Variants in DLG1 observed in about 807,000 individuals in gnomAD.
The protein encoded by DLG1 is discs large MAGUK scaffold protein 1.
DLG1 carries 42 observed loss-of-function variants against 123.4 expected under a neutral mutation model. That is an observed-to-expected ratio of 0.34 (90% CI 0.27 to 0.44). The LOEUF (loss-of-function observed/expected upper bound fraction) is 0.44. Ranked by LOEUF, DLG1 falls within the 20% of genes least tolerant of loss-of-function variation. DLG1 has a pLI of 1.00. For missense variants in DLG1, 942 were observed against 1,082.6 expected, an observed-to-expected ratio of 0.87 and a Z score of 1.82; for synonymous variants, 317 against 356.2, an observed-to-expected ratio of 0.89 and a Z score of 1.24.
At chr3:197,161,625 G>A in intron 5 of DLG1, 2 of 1,370,776 alleles carry the variant, frequency 1.5e-6, no homozygotes, top group South Asian at 1.6e-5. Flanking sequence ...AAAGAAAAAA[G>A]AAACTAATAA....
At chr3:197,221,436 C>T (rs934429702) in intron 4 of DLG1, among the ~76,000 whole-genome samples, 26 of 152,014 alleles carry the variant, frequency 1.7e-4, no homozygotes, top group African/African-American at 6.3e-4. Context: ...GGGAAAATCA[C>T]TTGAATCCGG....
At chr3:197,082,610 G>T (rs1751846682) in intron 16 of DLG1, among the ~76,000 whole-genome samples, 1 of 152,126 alleles carries the variant, frequency 6.6e-6, no homozygotes, top group Non-Finnish European at 1.5e-5. Context: ...TGAAAGCCAA[G>T]AATTGTAGGA....
At chr3:197,051,503 C>T in intron 24 of DLG1, 74 bp downstream of exon 24, 1 of 1,159,224 alleles carries the variant, frequency 8.6e-7, no homozygotes, top group Non-Finnish European at 1.3e-6. Context: ...TCAAAATCCA[C>T]CTGAACGGGT....
In DLG1 at chr3:197,295,042, G is replaced by A. The variant is rs113559016; in HGVS notation, c.151+1304C>T. ...AATGCTTTTTGCTGTTTTTCCAGAG[G>A]AATCCAATTTGATCATCCATTCGGA... On this transcript the variant is annotated intron_variant, in intron 3 of 24. Coordinates refer to ENST00000667157, the MANE Select transcript of DLG1 (RefSeq NM_001366207.1). 7.6e-3 allele frequency among the ~76,000 whole-genome samples: 1,161 copies of A among 152,194 alleles called. 11 individuals carry two copies. The highest frequency in any genetic ancestry group is 0.025 in the African/African-American group (1,049 of 41,514).
At chr3:197,291,157 T>C (rs1324921370) in intron 3 of DLG1, among the ~76,000 whole-genome samples, 3 of 152,156 alleles carry the variant, frequency 2.0e-5, no homozygotes, top group Admixed American at 1.3e-4. Context: ...AGAGCAGTAG[T>C]AAGCAAACTA....
intron 13 of DLG1, among the ~76,000 whole-genome samples, chr3:197,105,457 A>T (rs1765816526): frequency 6.6e-6 from 1 of 152,192 alleles, no homozygotes. Flanking sequence ...TTCCTGTACA[A>T]ACTAAAACTT....
At chr3:197,272,649 C>A (rs1475468814) in intron 4 of DLG1, among the ~76,000 whole-genome samples, 1 of 152,048 alleles carries the variant, frequency 6.6e-6, no homozygotes, top group Non-Finnish European at 1.5e-5. Flanking sequence ...GTATATCATA[C>A]AATGGAATAT....
chr3:197,140,359 G>A (rs1639327171), intron 7 of DLG1, 95 bp from the exon 8 acceptor site: 4 of 1,264,242 alleles, frequency 3.2e-6, no homozygotes, highest in Non-Finnish European at 4.4e-6. Flanking sequence ...ACTAACATAA[G>A]GAACACAACA....
chr3:197,145,128 G>A (rs756023957), intron 6 of DLG1, among the ~76,000 whole-genome samples: 4 of 152,060 alleles, frequency 2.6e-5, no homozygotes, highest in Non-Finnish European at 4.4e-5. Flanking sequence ...CAAGAGCTGT[G>A]TTGATCATGT....
Position 197,104,936 on chromosome 3 carries a change from C to T in DLG1, c.1513G>A (p.Ala505Thr), listed in dbSNP as rs767490280. 11 of 1,613,372 alleles carry T rather than the reference C, an allele frequency of 6.8e-6. No homozygotes were observed. In the South Asian group the frequency reaches 1.2e-4, roughly 18 times the overall value. Residue 505 changes from alanine (A) to threonine (T), a missense_variant, in exon 14 of 25, where the codon GCT becomes ACT. Ala to Thr is a moderately conservative substitution (Grantham distance 58). Transcript: ENST00000667157. ...CGATATTGTGCAACAATTGTGACAG[C>T]CTGGCCAGCATTTTTCAATGCAGCT... is the stretch of plus-strand genomic sequence containing the variant. ...AAAALKNAGQAVTIVAQYRPE... is the reference protein window; with the variant it reads ...AAAALKNAGQTVTIVAQYRPE...
At chr3:197,137,486 CTTCAATA>C (rs1277889175) in intron 9 of DLG1, among the ~76,000 whole-genome samples, 1 of 152,084 alleles carries the variant, frequency 6.6e-6, no homozygotes, top group Non-Finnish European at 1.5e-5. Context: ...TGCTAGAAGT[CTTCAATA>C]TAAGAATACT....
intron 6 of DLG1, 169 bp from the exon 7 acceptor site, chr3:197,142,937 T>C: frequency 1.7e-6 from 1 of 597,246 alleles, no homozygotes. Context: ...AATGGAAAAA[T>C]ACAAATGTGA....
intron 24 of DLG1, among the ~76,000 whole-genome samples, chr3:197,048,696 C>T (rs1272610152): frequency 6.6e-6 from 1 of 152,114 alleles, no homozygotes. Flanking sequence ...ACTCTTGTTG[C>T]CCAGGCTGGA....
In DLG1 at chr3:197,282,662, C is replaced by T; in HGVS notation, c.318+17G>A. 1 of 1,493,358 alleles carries T rather than the reference C, an allele frequency of 6.7e-7. No individual in the cohort carries two copies. Among genetic ancestry groups the T allele is most frequent in the Non-Finnish European group, 8.9e-7 (1 of 1,123,430 alleles). 92.5% of individuals were successfully genotyped at this position (1,493,358 alleles called of 1,614,324 possible). A position where few individuals can be genotyped will look rare whatever the true frequency, so the allele number is the denominator to read the frequency against. ...TGATCACCAAAAAACAGCTTCAGAA[C>T]ACATTTTTTATCTCACCTCTACACT... On this transcript the variant is annotated intron_variant, in intron 4 of 24. Transcript: ENST00000667157.
intron 13 of DLG1, among the ~76,000 whole-genome samples, chr3:197,110,999 C>T (rs562181455): frequency 5.8e-4 from 89 of 152,206 alleles, no homozygotes; most frequent in East Asian, 9.6e-4. Flanking sequence ...CAAGGATACA[C>T]GGAGGTTTTC....
chr3:197,139,842 A>G (rs887422139), intron 8 of DLG1, among the ~76,000 whole-genome samples: 1 of 152,248 alleles, frequency 6.6e-6, no homozygotes, highest in Non-Finnish European at 1.5e-5. Context: ...AGTGTATCTG[A>G]AAACACAAAG....
intron 11 of DLG1, 86 bp downstream of exon 11, chr3:197,130,441 C>T: frequency 8.8e-7 from 1 of 1,134,280 alleles, no homozygotes; most frequent in Non-Finnish European, 1.2e-6. Flanking sequence ...AATGTTTAAA[C>T]TTTATTATAC....
chr3:197,176,964 TA>T (rs1293286911), intron 5 of DLG1, among the ~76,000 whole-genome samples: 1 of 151,440 alleles, frequency 6.6e-6, no homozygotes, highest in African/African-American at 2.4e-5. Context: ...ATTTTATTTT[TA>T]TTTTTTATAT....
In DLG1 at chr3:197,246,422, C is replaced by A. The variant is rs1357077222; in HGVS notation, c.318+36257G>T. Among the ~76,000 whole-genome samples, 4 of 152,168 alleles carry A rather than the reference C, an allele frequency of 2.6e-5. No homozygotes were observed. In the East Asian group the frequency reaches 7.7e-4, roughly 29 times the overall value. ...TCATCTCTCTTTAGTAAGGGAGCTT[C>A]ACACTTTAAAATTCTTGAGTTGGTG... is the stretch of plus-strand genomic sequence containing the variant. On this transcript the variant is annotated intron_variant, in intron 4 of 24. Transcript: ENST00000667157.
Sources: allele counts gnomAD v4.1 joint callset (sites outside exome capture counted in the v4.1 genomes callset), GRCh38; gene constraint gnomAD v4.1.1; transcripts MANE v1.5; gene names NCBI Gene and HGNC (gene_info 2026-07-23, HGNC 2026-07-21).